FRY: variants seen among roughly 807,000 people sequenced by gnomAD.
FRY encodes the protein protein furry homolog.
Under a neutral mutation model 348.4 loss-of-function variants are expected in FRY, and 128 were observed. That is an observed-to-expected ratio of 0.37 (90% confidence interval 0.32 to 0.43). The LOEUF is 0.43. Among genes scored for constraint, FRY ranks in the 20% least tolerant of loss-of-function variants. The pLI is 1.00. For missense variants in FRY, 2,736 were observed against 3,695.2 expected (o/e 0.74, Z 6.73); for synonymous variants, 1,370 against 1,374.7 (o/e 1.00, Z 0.08).
In FRY at chr13:32,244,033, C is replaced by T. The variant is rs1423580621; in HGVS notation, c.6688-9C>T. 5.0e-6 allele frequency: 8 copies of T among 1,613,260 alleles called. No individual in the cohort carries two copies. The East Asian group carries it at 1.3e-4, about 27-fold the overall frequency. ...TGTGACTGACTCCAGCCGCACTTTG[C>T]CCCCACAGCTGCTGGAGAAGGGCCT... On this transcript the variant is annotated splice_polypyrimidine_tract_variant and intron_variant, in intron 46 of 60. Coordinates refer to ENST00000542859, the MANE Select transcript of FRY (RefSeq NM_023037.3).
At chr13:32,039,776 C>G (rs1280754709) in intron 1 of FRY, among the ~76,000 whole-genome samples, 2 of 152,192 alleles carry the variant, frequency 1.3e-5, no homozygotes, top group African/African-American at 4.8e-5. Flanking sequence ...AAAGCCATAA[C>G]ATTTCAGCTA....
intron 4 of FRY, among the ~76,000 whole-genome samples, chr13:32,120,176 A>T (rs1269655112): frequency 1.3e-5 from 2 of 152,156 alleles, no homozygotes; most frequent in African/African-American, 4.8e-5. Flanking sequence ...TATGCTAAAT[A>T]CTTTACATGT....
At chr13:32,152,269 AT>A (rs1306353409) in intron 14 of FRY, among the ~76,000 whole-genome samples, 3 of 152,222 alleles carry the variant, frequency 2.0e-5, no homozygotes, top group Admixed American at 6.5e-5. Flanking sequence ...CAACAAGCTG[AT>A]TCCAAAATTT....
At position 32,268,486 on chromosome 13, in the gene FRY, TAAAAAAA is replaced by T. The variant is rs1163691921; in HGVS notation, c.8136+1141_8136+1147del. On this transcript the variant is annotated intron_variant, in intron 55 of 60. Transcript: ENST00000542859. Reference sequence around the variant, plus strand: ...ATTATAGTTAAAGAGAAAGCTAGTTTAAAAAAAAAAAAAAAAAAAATATATATATATA... The same window carrying T: ...ATTATAGTTAAAGAGAAAGCTAGTTTAAAAAAAAAAAAATATATATATATA... Among the ~76,000 whole-genome samples the T allele has an allele frequency of 2.0e-3, 119 of 60,956 alleles. 4 individuals carry two copies. Among genetic ancestry groups the T allele is most frequent in the African/African-American group, 6.4e-3 (109 of 17,122 alleles). 40.0% of individuals were successfully genotyped at this position (60,956 alleles called of 152,430 possible).
At chr13:32,273,128 C>T (rs1888289451) in intron 55 of FRY, among the ~76,000 whole-genome samples, 1 of 151,706 alleles carries the variant, frequency 6.6e-6, no homozygotes. Flanking sequence ...AGGAAGCAAT[C>T]GAGATTATGG....
intron 47 of FRY, among the ~76,000 whole-genome samples, chr13:32,246,798 G>C (rs577402074): frequency 6.6e-6 from 1 of 152,184 alleles, no homozygotes; most frequent in Non-Finnish European, 1.5e-5. Flanking sequence ...GGGAGGGAAA[G>C]AAAGGGTTAA....
intron 54 of FRY, among the ~76,000 whole-genome samples, 197 bp downstream of exon 54, chr13:32,265,813 A>G (rs1030143005): frequency 1.3e-5 from 2 of 152,242 alleles, no homozygotes; most frequent in African/African-American, 2.4e-5. Flanking sequence ...GGAACAAAGA[A>G]AGAACACTTA....
chr13:32,202,747 TGAGAC>T (rs1173304147), intron 31 of FRY, among the ~76,000 whole-genome samples: 2 of 152,036 alleles, frequency 1.3e-5, no homozygotes, highest in Non-Finnish European at 2.9e-5. Context: ...ATCAGGAGTT[TGAGAC>T]CAGCCTGGCC....
chr13:32,173,745 A>G (rs1882224108), intron 19 of FRY, among the ~76,000 whole-genome samples, 196 bp downstream of exon 19: 5 of 152,256 alleles, frequency 3.3e-5, no homozygotes, highest in Non-Finnish European at 1.5e-5. Context: ...TAAAAGCAAT[A>G]GAAAAGACAA....
At chr13:32,182,072 T>A (rs1882749985) in intron 23 of FRY, among the ~76,000 whole-genome samples, 1 of 152,224 alleles carries the variant, frequency 6.6e-6, no homozygotes, top group African/African-American at 2.4e-5. Context: ...TCTTTGGATT[T>A]TCCTGGCTAG....
At position 32,295,768 on chromosome 13, in the gene FRY, A is replaced by G. The variant is rs1303683935; in HGVS notation, c.*308A>G. 4.3e-6 allele frequency: 2 copies of G among 469,176 alleles called. No homozygotes were observed. The highest frequency in any genetic ancestry group is 1.9e-5 in the African/African-American group (1 of 51,726). 29.1% of individuals were successfully genotyped at this position (469,176 alleles called of 1,614,324 possible). On this transcript the variant is annotated 3_prime_UTR_variant, in exon 61 of 61. Coordinates refer to ENST00000542859, the MANE Select transcript of FRY (RefSeq NM_023037.3). ...CTTCCGTTGCATACCAAAGCCGACT[A>G]CACTGAACAGTACCTTCCTTTCTAG...
intron 30 of FRY, 130 bp downstream of exon 30, chr13:32,202,170 G>C: frequency 1.2e-6 from 1 of 800,270 alleles, no homozygotes; most frequent in Non-Finnish European, 2.2e-6. Flanking sequence ...TGGCTATGAA[G>C]AGTGAGAAAG....
At chr13:32,080,175 T>C (rs369752094) in intron 2 of FRY, among the ~76,000 whole-genome samples, 8 of 152,224 alleles carry the variant, frequency 5.3e-5, no homozygotes, top group African/African-American at 1.7e-4. Flanking sequence ...ATTTATTGAA[T>C]TTCCATAATT....
intron 1 of FRY, among the ~76,000 whole-genome samples, chr13:32,034,777 CCTCT>C (rs1355985084): frequency 1.3e-5 from 2 of 151,972 alleles, no homozygotes; most frequent in African/African-American, 4.8e-5. Context: ...CCTCGTTCAT[CCTCT>C]CTCATGTTTT....
At chr13:32,282,739 A>G (rs1393088133) in intron 58 of FRY, among the ~76,000 whole-genome samples, 1 of 152,258 alleles carries the variant, frequency 6.6e-6, no homozygotes, top group African/African-American at 2.4e-5. Flanking sequence ...AGACCTAAGT[A>G]TAACAAAGAA....
In FRY at chr13:32,294,532, C is replaced by A; in HGVS notation, c.8745C>A (p.Asn2915Lys). The change falls in exon 60 of 61, where the codon AAC (asparagine) becomes AAA (lysine). Residue 2915 changes from asparagine to lysine, a missense_variant. Physicochemically the swap from Asn to Lys is moderately conservative, Grantham distance 94. Transcript: ENST00000542859. Reference protein sequence around the residue: ...IQSMLECLKNNELGKALRQIR... With the variant: ...IQSMLECLKNKELGKALRQIR... ...CCATGCTGGAGTGCCTGAAGAACAA[C>A]GAACTCGGCAAAGCTTTGCGGCAGA... 1 of 1,614,114 alleles carries A rather than the reference C, an allele frequency of 6.2e-7. No individual in the cohort carries two copies. The highest frequency in any genetic ancestry group is 1.7e-5 in the Admixed American group (1 of 60,016).
intron 55 of FRY, among the ~76,000 whole-genome samples, chr13:32,270,888 C>A (rs1323149724): frequency 6.6e-6 from 1 of 152,232 alleles, no homozygotes; most frequent in Admixed American, 6.5e-5. Flanking sequence ...GCAACATACA[C>A]TAGGTGCTCA....
intron 3 of FRY, among the ~76,000 whole-genome samples, chr13:32,113,338 A>G (rs1181405460): frequency 6.6e-6 from 1 of 152,222 alleles, no homozygotes; most frequent in Non-Finnish European, 1.5e-5. Context: ...TCCACTGAGT[A>G]ATTATTCAAA....
At chr13:32,176,654 G>A (rs970574646) in intron 20 of FRY, among the ~76,000 whole-genome samples, 7 of 152,128 alleles carry the variant, frequency 4.6e-5, no homozygotes, top group Admixed American at 3.3e-4. Flanking sequence ...TTTAATGTAC[G>A]TATCCTACTT....
Sources: gnomAD v4.1 joint callset for allele counts (sites outside exome capture counted in the v4.1 genomes callset) on GRCh38, gnomAD v4.1.1 for gene constraint, MANE v1.5 for transcripts, NCBI Gene and HGNC (gene_info 2026-07-23, HGNC 2026-07-21) for gene names.